Variants in OTOF observed in about 807,000 individuals in gnomAD.
OTOF encodes the protein fer-1-like family member 2.
Under a neutral mutation model 236.8 loss-of-function variants are expected in OTOF, and 218 were observed. That is an observed-to-expected ratio of 0.92 (90% CI 0.82 to 1.03). OTOF has a LOEUF of 1.03. Among genes scored for constraint, OTOF ranks in the 50% least tolerant of loss-of-function variants. The pLI is 0.00. For synonymous variants in OTOF, 1,041 were observed against 1,072.5 expected (o/e 0.97, Z 0.57); for missense variants, 2,590 against 2,694.4 (o/e 0.96, Z 0.86).
Position 26,468,462 on chromosome 2 carries a change from G to T in OTOF, c.4036C>A (p.Gln1346Lys), listed in dbSNP as rs764606007. ...TCCAAGTCAATTCCAGAGGGCTCTTGTTGTCGAAGTTGCTGCCAAAAGATG... is the reference window on the plus strand; with the variant it reads ...TCCAAGTCAATTCCAGAGGGCTCTTTTTGTCGAAGTTGCTGCCAAAAGATG... ...IDTMKEQLRQ[Q>K]EPSGIDLEEK... The change falls in exon 33 of 47, where the codon CAA becomes AAA. Residue 1346 changes from glutamine to lysine, a missense_variant. Gln to Lys is a moderately conservative substitution (Grantham distance 53, BLOSUM62 1). Transcript: ENST00000272371. 5.6e-6 allele frequency: 9 copies of T among 1,613,744 alleles called. No homozygotes were observed. In the East Asian group the frequency reaches 6.7e-5, roughly 12 times the overall value.
At chr2:26,520,515 C>A (rs1666651026) in intron 3 of OTOF, among the ~76,000 whole-genome samples, 1 of 152,178 alleles carries the variant, frequency 6.6e-6, no homozygotes, top group South Asian at 2.1e-4. Context: ...GAGCCCCAAC[C>A]ACCATTGTGC....
Position 26,470,222 on chromosome 2 carries a change from A to C in OTOF, c.4023+371T>G, listed in dbSNP as rs777817237. Among the ~76,000 whole-genome samples, 11 of 152,096 alleles carry C rather than the reference A, an allele frequency of 7.2e-5. No homozygotes were observed. Among genetic ancestry groups the C allele is most frequent in the Non-Finnish European group, 1.3e-4 (9 of 68,016 alleles). Reference sequence around the variant, plus strand: ...CCCCAAGCCATGATTTGCCTTTGTTATCACATAGTCCTCTCTAAGTCTCTG... The same window carrying C: ...CCCCAAGCCATGATTTGCCTTTGTTCTCACATAGTCCTCTCTAAGTCTCTG... On this transcript the variant is annotated intron_variant, in intron 32 of 46. Transcript: ENST00000272371. This position sits in a 1 kb window ranked among gnomAD's most constrained non-coding sequence, Gnocchi z 4.3.
intron 5 of OTOF, among the ~76,000 whole-genome samples, chr2:26,507,156 T>C (rs990430199): frequency 5.3e-5 from 8 of 152,376 alleles, no homozygotes; most frequent in African/African-American, 1.9e-4. Context: ...AAGGATATTG[T>C]CTTTGTCCCT....
intron 9 of OTOF, among the ~76,000 whole-genome samples, 172 bp downstream of exon 9, chr2:26,494,770 A>C (rs1024135202): frequency 2.0e-5 from 3 of 152,076 alleles, no homozygotes; most frequent in Non-Finnish European, 4.4e-5. Flanking sequence ...CAGAGGATTC[A>C]GAAGATGTGG....
At chr2:26,488,331 G>T (rs1251184100) in intron 11 of OTOF, among the ~76,000 whole-genome samples, 1 of 152,274 alleles carries the variant, frequency 6.6e-6, no homozygotes, top group South Asian at 2.1e-4. Context: ...CTGTCAAAGC[G>T]CCTAATGGGG....
At chr2:26,483,004 CATG>C (rs1665599377) in intron 13 of OTOF, among the ~76,000 whole-genome samples, 1 of 56,674 alleles carries the variant, frequency 1.8e-5, no homozygotes, top group Admixed American at 1.7e-4. Flanking sequence ...TGCATGTGTG[CATG>C]TGTGAATGGG....
intron 5 of OTOF, among the ~76,000 whole-genome samples, chr2:26,514,852 G>C (rs769679258): frequency 6.6e-6 from 1 of 152,176 alleles, no homozygotes; most frequent in Non-Finnish European, 1.5e-5. Context: ...CTCTTTCTTA[G>C]AGCCCGGCTT....
At chr2:26,527,220 A>C (rs1472093194) in intron 3 of OTOF, among the ~76,000 whole-genome samples, 2 of 152,254 alleles carry the variant, frequency 1.3e-5, no homozygotes, top group African/African-American at 4.8e-5. Flanking sequence ...GACGCTTAGT[A>C]AACATTTGTT....
chr2:26,558,396 C>G, intron 1 of OTOF, 97 bp downstream of exon 1: 2 of 1,092,798 alleles, frequency 1.8e-6, no homozygotes, highest in Admixed American at 3.4e-5. Context: ...CTTTTCCCAC[C>G]CATCCTCCCA....
chr2:26,468,004 T>C (rs917525908), intron 33 of OTOF, among the ~76,000 whole-genome samples: 1 of 152,240 alleles, frequency 6.6e-6, no homozygotes, highest in African/African-American at 2.4e-5. Context: ...GTAAAGGGTA[T>C]GAAAAGTCCT....
intron 3 of OTOF, among the ~76,000 whole-genome samples, chr2:26,527,584 G>A (rs1666839522): frequency 6.6e-6 from 1 of 152,220 alleles, no homozygotes; most frequent in African/African-American, 2.4e-5. Context: ...AGACAGCAGA[G>A]GTGATAGGAG....
chr2:26,544,902 G>A (rs182021794), intron 1 of OTOF, among the ~76,000 whole-genome samples: 49 of 151,970 alleles, frequency 3.2e-4, no homozygotes, highest in South Asian at 1.0e-3. Flanking sequence ...TTAGCCAGGC[G>A]TGGTGGTGCG....
intron 1 of OTOF, among the ~76,000 whole-genome samples, chr2:26,543,251 C>A (rs372675268): frequency 6.6e-6 from 1 of 152,208 alleles, no homozygotes; most frequent in Non-Finnish European, 1.5e-5. Context: ...AGCACCCCTG[C>A]GTGCAGGAAA....
intron 31 of OTOF, 66 bp downstream of exon 31, chr2:26,471,055 G>A (rs1664951848): frequency 1.3e-6 from 2 of 1,581,398 alleles, no homozygotes; most frequent in Admixed American, 3.3e-5. Context: ...TGGACCCTTT[G>A]GCCTGACATC....
chr2:26,473,883 G>C lies in OTOF; in HGVS notation c.3408+108C>G, dbSNP rs943578342. 1 of 1,460,996 alleles carries C rather than the reference G, an allele frequency of 6.8e-7. No homozygotes were observed. The highest frequency in any genetic ancestry group is 9.6e-7 in the Non-Finnish European group (1 of 1,043,976). The allele number at this position is 1,460,996 out of a possible 1,614,324, so 90.5% of individuals were successfully genotyped here. A position where few individuals can be genotyped will look rare whatever the true frequency, so the allele number is the denominator to read the frequency against. ...TGGGCTGGGGCAGGAGCCTGGGTCT[G>C]CTGCTGGCTCCTGGTGATGGTGGTG... On this transcript the variant is annotated intron_variant, in intron 27 of 46. Transcript: ENST00000272371. This position sits in a 1 kb window ranked among gnomAD's most constrained non-coding sequence, Gnocchi z 7.2.
chr2:26,497,724 G>A lies in OTOF; in HGVS notation c.766-2651C>T, dbSNP rs138789251. 7.6e-4 allele frequency among the ~76,000 whole-genome samples: 116 copies of A among 152,296 alleles called. No individual in the cohort carries two copies. The East Asian group carries it at 0.02, about 26-fold the overall frequency. ...GGAAGCAAACATTTCCGTTTGGAAC[G>A]TGAAGTGACAAAGGGACGGAAGTAA... On this transcript the variant is annotated intron_variant, in intron 8 of 46. Coordinates refer to ENST00000272371, the MANE Select transcript of OTOF (RefSeq NM_194248.3).
At chr2:26,485,581 G>C (rs1258120214) in intron 11 of OTOF, among the ~76,000 whole-genome samples, 3 of 152,184 alleles carry the variant, frequency 2.0e-5, no homozygotes, top group Non-Finnish European at 4.4e-5. Flanking sequence ...AAGCCCAGTG[G>C]GCAAGCAAAG....
intron 33 of OTOF, 60 bp from the exon 34 acceptor site, chr2:26,467,561 C>T (rs540935785): frequency 4.1e-5 from 65 of 1,569,980 alleles, no homozygotes; most frequent in African/African-American, 2.0e-4. Flanking sequence ...GGCCTGGATT[C>T]GAGACCCAGC....
chr2:26,558,271 G>A (rs1488676111), intron 1 of OTOF, among the ~76,000 whole-genome samples: 3 of 152,066 alleles, frequency 2.0e-5, no homozygotes, highest in Admixed American at 2.0e-4. Context: ...CAAGCACAAG[G>A]AGACACAGGC....
Sources: allele counts gnomAD v4.1 joint callset (sites outside exome capture counted in the v4.1 genomes callset), GRCh38; gene constraint gnomAD v4.1.1; non-coding constraint Gnocchi (gnomAD v3.1); transcripts MANE v1.5; gene names NCBI Gene and HGNC (gene_info 2026-07-23, HGNC 2026-07-21).